The following L3MBTL2 variants were observed in gnomAD, a reference collection of about 807,000 sequenced individuals.
The protein encoded by L3MBTL2 is lethal(3)malignant brain tumor-like protein 2.
A neutral mutation model predicts 86.4 loss-of-function variants in L3MBTL2; 49 were observed. The ratio of observed to expected loss-of-function variants is 0.57; its 90% CI spans 0.45 to 0.72. The LOEUF is 0.72. L3MBTL2 is among the 30% of genes least tolerant of loss of function. L3MBTL2 has a pLI of 0.00. For missense variants in L3MBTL2, 755 were observed against 923.7 expected, an observed-to-expected ratio of 0.82 and a Z score of 2.37; for synonymous variants, 336 against 350.6, an observed-to-expected ratio of 0.96 and a Z score of 0.47.
rs1370183015 is a variant in L3MBTL2 at position 41,227,191 on chromosome 22, C to G, written c.1690C>G (p.Arg564Gly). 6.2e-7 allele frequency: 1 copy of G among 1,613,600 alleles called. No homozygotes were observed. Among genetic ancestry groups the G allele is most frequent in the Admixed American group, 1.7e-5 (1 of 60,010 alleles). Residue 564 changes from arginine (R) to glycine (G), a missense_variant, in exon 14 of 17, where the codon CGG (arginine) becomes GGG (glycine). This residue lies in a region of L3MBTL2 where 634 missense variants were observed against 748.9 expected (regional missense o/e 0.85). Transcript: ENST00000216237. The surrounding 1 kb of genome is among the most constrained non-coding windows in gnomAD (Gnocchi z 6.0). ...CVATVKRVVH[R>G]LLSIHFDGWD... ...GGCCACGGTGAAACGAGTGGTGCAT[C>G]GGCTCCTCAGCATCCACTTTGACGG...
At chr22:41,223,120 C>G (rs1464789893) in intron 8 of L3MBTL2, among the ~76,000 whole-genome samples, 1 of 152,188 alleles carries the variant, frequency 6.6e-6, no homozygotes, top group Non-Finnish European at 1.5e-5. Flanking sequence ...CAGGACGTAT[C>G]CCAAGCCCTT....
intron 1 of L3MBTL2, chr22:41,209,300 T>G (rs2030518667): frequency 5.8e-6 from 1 of 171,826 alleles, no homozygotes; most frequent in East Asian, 1.6e-4. Context: ...AGAGACAGGG[T>G]TTCACCCTCT....
chr22:41,209,250 C>T (rs868545149), intron 1 of L3MBTL2: 3 of 165,788 alleles, frequency 1.8e-5, no homozygotes, highest in South Asian at 1.5e-4. Flanking sequence ...TACAGGTGCC[C>T]GCCACCACGC....
At chr22:41,205,987 CT>C (rs774301733) in intron 1 of L3MBTL2, 136 of 146,006 alleles carry the variant, frequency 9.3e-4, no homozygotes, top group South Asian at 1.5e-3. Flanking sequence ...CCCACTCATC[CT>C]TTTTTTTTTT....
intron 7 of L3MBTL2, among the ~76,000 whole-genome samples, 164 bp downstream of exon 7, chr22:41,221,032 T>C (rs1455850559): frequency 6.6e-6 from 1 of 152,208 alleles, no homozygotes; most frequent in Non-Finnish European, 1.5e-5. Flanking sequence ...TGGGGGCAGA[T>C]CCACGTGTGG....
Position 41,225,762 on chromosome 22 carries a change from TG to T in L3MBTL2, c.1357-31del, listed in dbSNP as rs746123192. ...CCAGGATGGGGTGCAGTTCATGATATGATCTGTCTGCCTGCTCCCCCCACCC... is the reference window on the plus strand; with the variant it reads ...CCAGGATGGGGTGCAGTTCATGATATATCTGTCTGCCTGCTCCCCCCACCC... On this transcript the variant is annotated intron_variant, in intron 11 of 16. Coordinates refer to ENST00000216237, the MANE Select transcript of L3MBTL2 (RefSeq NM_031488.5). This position sits in a 1 kb window ranked among gnomAD's most constrained non-coding sequence, Gnocchi z 4.1. 1.6e-4 allele frequency: 260 copies of T among 1,593,658 alleles called. No individual in the cohort carries two copies. The highest frequency in any genetic ancestry group is 2.1e-4 in the Non-Finnish European group (244 of 1,165,336).
Position 41,227,180 on chromosome 22 carries a change from G to T in L3MBTL2, c.1679G>T (p.Arg560Leu). Reference protein sequence around the residue: ...PRLICVATVKRVVHRLLSIHF... With the variant: ...PRLICVATVKLVVHRLLSIHF... ...CTCATCTGTGTGGCCACGGTGAAAC[G>T]AGTGGTGCATCGGCTCCTCAGCATC... The change falls in exon 14 of 17, where the codon CGA (arginine) becomes CTA (leucine). Residue 560 changes from arginine (R) to leucine (L), a missense_variant. Physicochemically the swap from Arg to Leu is moderately radical, Grantham distance 102 (BLOSUM62 -2). Around this residue, in one of 3 missense-constraint regions of L3MBTL2, gnomAD observed 634 missense variants for 748.9 expected, o/e 0.85. Coordinates refer to ENST00000216237, the MANE Select transcript of L3MBTL2 (RefSeq NM_031488.5). This position sits in a 1 kb window ranked among gnomAD's most constrained non-coding sequence, Gnocchi z 6.0. 1 of 1,613,746 alleles carries T rather than the reference G, an allele frequency of 6.2e-7. No homozygotes were observed. The highest frequency in any genetic ancestry group is 8.5e-7 in the Non-Finnish European group (1 of 1,180,018).
chr22:41,208,399 G>A, intron 1 of L3MBTL2: 1 of 402,388 alleles, frequency 2.5e-6, no homozygotes, highest in Non-Finnish European at 4.9e-6. Flanking sequence ...CAAAGTGCTG[G>A]GATTACAGAT....
Position 41,206,551 on chromosome 22 carries a change from C to T in L3MBTL2, c.24+1165C>T, listed in dbSNP as rs191746153. ...CGGTGGCTCACGCCTGTAATCCCAGCACTTTGGGAGGCCGAGGCGGGCAGA... is the reference window on the plus strand; with the variant it reads ...CGGTGGCTCACGCCTGTAATCCCAGTACTTTGGGAGGCCGAGGCGGGCAGA... On this transcript the variant is annotated intron_variant, in intron 1 of 16. Transcript: ENST00000216237. Among the ~76,000 whole-genome samples the T allele has an allele frequency of 9.7e-3, 1,478 of 152,164 alleles. 59 individuals are homozygous for T. Among genetic ancestry groups the T allele is most frequent in the Admixed American group, 0.078 (1,194 of 15,268 alleles).
intron 1 of L3MBTL2, chr22:41,209,222 C>G (rs1479265049): frequency 6.2e-6 from 1 of 161,322 alleles, no homozygotes; most frequent in African/African-American, 2.4e-5. Context: ...TCTGCCCCAG[C>G]CTCCCAAGTA....
rs2031431163 is a variant in L3MBTL2, at chr22:41,217,005, A to G, written c.521-118A>G. 4.1e-6 allele frequency: 3 copies of G among 726,218 alleles called. No homozygotes were observed. In the African/African-American group the frequency reaches 5.3e-5, roughly 13 times the overall value. 45.0% of individuals were successfully genotyped at this position (726,218 alleles called of 1,614,324 possible). A position where few individuals can be genotyped will look rare whatever the true frequency, so the allele number is the denominator to read the frequency against. On this transcript the variant is annotated intron_variant, in intron 4 of 16. Transcript: ENST00000216237. Reference sequence around the variant, plus strand: ...AGGGTGTCGTGGGCAGCGCTGTGAGAGGGGCTGCTGGGGGTGGGGGACCTA... The same window carrying G: ...AGGGTGTCGTGGGCAGCGCTGTGAGGGGGGCTGCTGGGGGTGGGGGACCTA...
intron 2 of L3MBTL2, chr22:41,213,588 A>G (rs546260190): frequency 1.9e-4 from 39 of 206,932 alleles, no homozygotes; most frequent in African/African-American, 6.9e-4. Context: ...TACCATGCCT[A>G]GTTTCTTCTC....
At chr22:41,226,235 C>T (rs2032175783) in intron 12 of L3MBTL2, among the ~76,000 whole-genome samples, 1 of 152,170 alleles carries the variant, frequency 6.6e-6, no homozygotes, top group African/African-American at 2.4e-5. Context: ...CGAGATCATG[C>T]CATTGCACTC....
intron 5 of L3MBTL2, 159 bp downstream of exon 5, chr22:41,217,361 C>CA (rs1283214384): frequency 1.2e-4 from 70 of 604,210 alleles, no homozygotes; most frequent in Admixed American, 5.2e-4. Context: ...ATGTTTATGT[C>CA]AAAAAAATCC....
intron 8 of L3MBTL2, among the ~76,000 whole-genome samples, chr22:41,222,386 G>A (rs1261913219): frequency 6.6e-6 from 1 of 152,240 alleles, no homozygotes; most frequent in Non-Finnish European, 1.5e-5. Context: ...GCGCCTCTGG[G>A]CTGTCTGATT....
At chr22:41,230,033 C>G in intron 16 of L3MBTL2, 106 bp from the exon 17 acceptor site, 1 of 823,652 alleles carries the variant, frequency 1.2e-6, no homozygotes, top group East Asian at 2.6e-5. Flanking sequence ...AAGGTGCATC[C>G]TAGGCCCCCA....
chr22:41,220,875 T>C lies in L3MBTL2; in HGVS notation c.853+7T>C. ...ATCCTAGTGCCCCCACGGAGTGAGTTGATGAGAACATTTCCTCTCTTGTTC... is the reference window on the plus strand; with the variant it reads ...ATCCTAGTGCCCCCACGGAGTGAGTCGATGAGAACATTTCCTCTCTTGTTC... On this transcript the variant is annotated splice_region_variant and intron_variant, in intron 7 of 16. Transcript: ENST00000216237. 1 of 1,611,098 alleles carries C rather than the reference T, an allele frequency of 6.2e-7. No homozygotes were observed. The highest frequency in any genetic ancestry group is 8.5e-7 in the Non-Finnish European group (1 of 1,177,650).
At chr22:41,220,892 C>T (rs748320438) in intron 7 of L3MBTL2, 24 bp downstream of exon 7, 4 of 1,602,478 alleles carry the variant, frequency 2.5e-6, no homozygotes, top group South Asian at 2.2e-5. Flanking sequence ...AACATTTCCT[C>T]TCTTGTTCCC....
Position 41,205,361 on chromosome 22 carries a change from T to A in L3MBTL2, c.-2T>A. ...GGTGACGCTTGGCGAAACTGAGGTC[T>A]CATGGAGAAGCCCCGGAGTATTGAG... On this transcript the variant is annotated 5_prime_UTR_variant, in exon 1 of 17. Coordinates refer to ENST00000216237, the MANE Select transcript of L3MBTL2 (RefSeq NM_031488.5). 6.2e-7 allele frequency: 1 copy of A among 1,614,184 alleles called. No individual in the cohort carries two copies. Among genetic ancestry groups the A allele is most frequent in the Middle Eastern group, 1.6e-4 (1 of 6,062 alleles).
Sources: gnomAD v4.1 joint callset for allele counts (sites outside exome capture counted in the v4.1 genomes callset) on GRCh38, gnomAD v4.1.1 for gene constraint, gnomAD v4.1.1 regional missense constraint, Gnocchi (gnomAD v3.1) non-coding constraint, MANE v1.5 for transcripts, NCBI Gene and HGNC (gene_info 2026-07-23, HGNC 2026-07-21) for gene names.